MICAL2: variants seen among roughly 807,000 people sequenced by gnomAD.
The protein encoded by MICAL2 is [F-actin]-monooxygenase MICAL2.
Under a neutral mutation model 127.3 loss-of-function variants are expected in MICAL2, and 77 were observed. That is an observed-to-expected ratio of 0.60 (90% confidence interval 0.50 to 0.73). MICAL2 has a LOEUF of 0.73. Ranked by LOEUF, MICAL2 falls within the 30% of genes least tolerant of loss-of-function variation. MICAL2 has a pLI of 0.00. For missense variants in MICAL2, 1,351 were observed against 1,434.4 expected, an observed-to-expected ratio of 0.94 and a Z score of 0.94; for synonymous variants, 570 against 551.1, an observed-to-expected ratio of 1.03 and a Z score of -0.48.
Position 12,110,869 on chromosome 11 carries a change from A to C in MICAL2, c.-149+143A>C, listed in dbSNP as rs1849545255. The C allele has an allele frequency of 6.6e-6, 1 of 151,700 alleles. No individual in the cohort carries two copies. The highest frequency in any genetic ancestry group is 1.5e-5 in the Non-Finnish European group (1 of 67,992). 9.4% of individuals were successfully genotyped at this position (151,700 alleles called of 1,614,324 possible). A position where few individuals can be genotyped will look rare whatever the true frequency, so the allele number is the denominator to read the frequency against. ...CCGCAGCATCCCCCGCCTCAAACCCACCCGGCGGGGCGCACAGTGAGCAGG... is the reference window on the plus strand; with the variant it reads ...CCGCAGCATCCCCCGCCTCAAACCCCCCCGGCGGGGCGCACAGTGAGCAGG... On this transcript the variant is annotated intron_variant, in intron 1 of 27. Coordinates refer to ENST00000683283, the MANE Select transcript of MICAL2 (RefSeq NM_001282663.2). This position sits in a 1 kb window ranked among gnomAD's most constrained non-coding sequence, Gnocchi z 4.5.
At chr11:12,274,244 T>A (rs894529596), upstream of MICAL2, 1 of 152,110 alleles carries the variant, frequency 6.6e-6, no homozygotes, top group African/African-American at 2.4e-5. Context: ...TCCCTGGAGA[T>A]GAGGTCACCT....
chr11:12,301,000 A>G (rs1254984358), intron 29 of MICAL2, among the ~76,000 whole-genome samples: 1 of 152,202 alleles, frequency 6.6e-6, no homozygotes, highest in African/African-American at 2.4e-5. Flanking sequence ...ATGAGGTTTA[A>G]TTGGACTTAA....
chr11:12,235,583 T>C (rs939468338), intron 15 of MICAL2, among the ~76,000 whole-genome samples: 5 of 152,220 alleles, frequency 3.3e-5, no homozygotes, highest in African/African-American at 1.2e-4. Flanking sequence ...TTGAAGTTAA[T>C]AAAATATTGT....
chr11:12,213,625 G>A (rs1053306135), intron 7 of MICAL2, among the ~76,000 whole-genome samples: 3 of 152,200 alleles, frequency 2.0e-5, no homozygotes, highest in Non-Finnish European at 2.9e-5. Context: ...TGTTGTACAT[G>A]AAAGGAGATA....
intron 24 of MICAL2, among the ~76,000 whole-genome samples, chr11:12,269,162 G>T (rs1863643133): frequency 6.6e-6 from 1 of 152,208 alleles, no homozygotes; most frequent in Non-Finnish European, 1.5e-5. Flanking sequence ...TCAGTGCTGG[G>T]GTCTTGCTGC....
rs934264787 is a variant in MICAL2, at chr11:12,283,375, G to T, written c.254+2276G>T. On this transcript the variant is annotated intron_variant, in intron 2 of 2. Coordinates refer to the MICAL2 transcript ENST00000529028. ...AAAAAAAAAAAAAGACTCTACGTTG[G>T]TCCAGCCATGCTCATAGAAGCATTA... Among the ~76,000 whole-genome samples the T allele has an allele frequency of 1.7e-4, 25 of 148,890 alleles. 1 individual carries two copies. The highest frequency in any genetic ancestry group is 1.4e-3 in the Admixed American group (21 of 14,872).
chr11:12,338,132 G>T (rs1297022185), intron 32 of MICAL2, among the ~76,000 whole-genome samples: 1 of 152,158 alleles, frequency 6.6e-6, no homozygotes, highest in Non-Finnish European at 1.5e-5. Flanking sequence ...ATGAATCTGT[G>T]TGCTCCTGTA....
intron 32 of MICAL2, among the ~76,000 whole-genome samples, chr11:12,329,664 T>G (rs1267155781): frequency 2.6e-5 from 4 of 152,174 alleles, no homozygotes; most frequent in Non-Finnish European, 5.9e-5. Flanking sequence ...GAAGTGTTGA[T>G]AGGCAAAGTC....
chr11:12,226,251 T>TC lies in MICAL2; in HGVS notation c.1772dup (p.Pro592SerfsTer15). ...GATGTGGCCGAGCGAGAGTTTGGGA[T>TC]CCCTCCAGTGACCACGGGCAAAGAG... On this transcript the variant is annotated frameshift_variant, in exon 14 of 28. Coordinates refer to ENST00000683283, the MANE Select transcript of MICAL2 (RefSeq NM_001282663.2). LOFTEE classifies it high-confidence loss of function. 6.2e-7 allele frequency: 1 copy of TC among 1,614,212 alleles called. No individual in the cohort carries two copies. The highest frequency in any genetic ancestry group is 8.5e-7 in the Non-Finnish European group (1 of 1,180,034).
At chr11:12,167,453 G>T (rs1188620578) in intron 3 of MICAL2, among the ~76,000 whole-genome samples, 1 of 152,166 alleles carries the variant, frequency 6.6e-6, no homozygotes, top group Non-Finnish European at 1.5e-5. Flanking sequence ...AGGCAGCGAG[G>T]CAGGGTGCAA....
intron 1 of MICAL2, among the ~76,000 whole-genome samples, chr11:12,113,371 C>T (rs1458764309): frequency 1.3e-5 from 2 of 152,188 alleles, no homozygotes; most frequent in South Asian, 4.1e-4. Flanking sequence ...CGTAGCAAGA[C>T]TGCTGTCTTT....
rs776117683 is a variant in MICAL2, at chr11:12,244,060, C to G, written c.2732C>G (p.Pro911Arg). 2 of 1,614,178 alleles carry G rather than the reference C, an allele frequency of 1.2e-6. No homozygotes were observed. ...SPPSRLPSPD[P>R]AASSSPSTVD... is the part of the protein sequence containing the mutation. Reference sequence around the variant, plus strand: ...CCCTCTCGCCTTCCGTCTCCTGATCCAGCTGCTTCTTCCTCTCCATCAACT... The same window carrying G: ...CCCTCTCGCCTTCCGTCTCCTGATCGAGCTGCTTCTTCCTCTCCATCAACT... Residue 911 changes from proline (P) to arginine (R), a missense_variant, in exon 21 of 28, where the codon CCA becomes CGA. Coordinates refer to ENST00000683283, the MANE Select transcript of MICAL2 (RefSeq NM_001282663.2).
rs1366259522 is a variant in MICAL2 at position 12,222,672 on chromosome 11, T to C, written c.1378T>C (p.Phe460Leu). 6.2e-7 allele frequency: 1 copy of C among 1,614,168 alleles called. No homozygotes were observed. Among genetic ancestry groups the C allele is most frequent in the South Asian group, 1.1e-5 (1 of 91,080 alleles). ...QTTPENINKN[F>L]EQYTLDPGTR... ...AACCCCGGAGAACATCAACAAGAAC[T>C]TTGAGCAGTACACGTTGGACCCAGG... The change falls in exon 11 of 28, where the codon TTT becomes CTT. Residue 460 changes from phenylalanine to leucine, a missense_variant. Coordinates refer to ENST00000683283, the MANE Select transcript of MICAL2 (RefSeq NM_001282663.2).
intron 1 of MICAL2, among the ~76,000 whole-genome samples, chr11:12,122,424 T>C (rs1350473502): frequency 2.0e-5 from 3 of 152,220 alleles, no homozygotes; most frequent in African/African-American, 7.2e-5. Context: ...TTTAATTGTT[T>C]TTTAAAGACA....
chr11:12,293,638 C>T (rs200410696), downstream of MICAL2: 27 of 1,614,114 alleles, frequency 1.7e-5, no homozygotes, highest in East Asian at 5.1e-4. Flanking sequence ...GGAGGCGAGC[C>T]GTAGCCCAAG....
At chr11:12,316,021 A>T (rs1207320111) in intron 29 of MICAL2, among the ~76,000 whole-genome samples, 1 of 152,172 alleles carries the variant, frequency 6.6e-6, no homozygotes, top group South Asian at 2.1e-4. Context: ...TTTACCTTTT[A>T]TTATGGAATG....
chr11:12,198,493 G>C (rs938425358), intron 3 of MICAL2, among the ~76,000 whole-genome samples: 1 of 152,118 alleles, frequency 6.6e-6, no homozygotes, highest in Non-Finnish European at 1.5e-5. Context: ...TCCATCCTGC[G>C]ATTCTGAACC....
chr11:12,155,838 G>A (rs1318147723), intron 2 of MICAL2, among the ~76,000 whole-genome samples: 1 of 152,210 alleles, frequency 6.6e-6, no homozygotes, highest in Non-Finnish European at 1.5e-5. Flanking sequence ...TCCAAGCACT[G>A]TGACTGGTCA....
At chr11:12,244,581 G>A (rs955111768) in intron 21 of MICAL2, among the ~76,000 whole-genome samples, 1 of 152,196 alleles carries the variant, frequency 6.6e-6, no homozygotes, top group African/African-American at 2.4e-5. Context: ...TCTATAAGAG[G>A]TTTAAAGGGC....
Sources: allele counts gnomAD v4.1 joint callset (sites outside exome capture counted in the v4.1 genomes callset), GRCh38; gene constraint gnomAD v4.1.1; non-coding constraint Gnocchi (gnomAD v3.1); transcripts MANE v1.5; gene names NCBI Gene and HGNC (gene_info 2026-07-23, HGNC 2026-07-21).